Variants in PPP2R2B observed in about 807,000 individuals in gnomAD.
The protein encoded by PPP2R2B is protein phosphatase 2 regulatory subunit Bbeta, also known as serine/threonine-protein phosphatase 2A 55 kDa regulatory subunit B beta isoform.
PPP2R2B carries 5 observed loss-of-function variants against 46.0 expected under a neutral mutation model. The observed-to-expected ratio is 0.11, with a 90% CI of 0.06 to 0.23. The LOEUF is 0.23. PPP2R2B is among the 10% of genes least tolerant of loss of function. PPP2R2B has a pLI of 1.00. For missense variants in PPP2R2B, 367 were observed against 575.0 expected, an observed-to-expected ratio of 0.64 and a Z score of 3.70; for synonymous variants, 215 against 206.7, an observed-to-expected ratio of 1.04 and a Z score of -0.34.
At chr5:146,630,333 T>C (rs1774343309) in intron 7 of PPP2R2B, among the ~76,000 whole-genome samples, 1 of 152,250 alleles carries the variant, frequency 6.6e-6, no homozygotes, top group South Asian at 2.1e-4. Flanking sequence ...TTTTTTATCA[T>C]GTCTGAAATG....
chr5:146,597,820 C>T (rs968939654), intron 8 of PPP2R2B, among the ~76,000 whole-genome samples: 3 of 152,134 alleles, frequency 2.0e-5, no homozygotes, highest in African/African-American at 7.2e-5. Context: ...ATTCACAAAC[C>T]TACTTCATCT....
intron 1 of PPP2R2B, among the ~76,000 whole-genome samples, chr5:146,932,363 C>T (rs2151822840): frequency 1.3e-5 from 2 of 152,306 alleles, no homozygotes; most frequent in Admixed American, 1.3e-4. Context: ...ATAATCCCCA[C>T]ATGTCGTGGG....
chr5:146,652,816 G>A (rs926441210), intron 5 of PPP2R2B, among the ~76,000 whole-genome samples: 3 of 152,056 alleles, frequency 2.0e-5, no homozygotes, highest in African/African-American at 7.2e-5. Context: ...AAAATGAAAG[G>A]ATTTGCAATG....
intron 1 of PPP2R2B, among the ~76,000 whole-genome samples, chr5:147,006,577 G>T (rs1332523685): frequency 6.6e-6 from 1 of 152,066 alleles, no homozygotes; most frequent in Non-Finnish European, 1.5e-5. Flanking sequence ...AGAATAGCAG[G>T]TTTATCTATT....
At chr5:146,980,664 A>G (rs1191249015) in intron 1 of PPP2R2B, among the ~76,000 whole-genome samples, 1 of 151,978 alleles carries the variant, frequency 6.6e-6, no homozygotes, top group Non-Finnish European at 1.5e-5. Context: ...TTGTTTTTTT[A>G]TGTATTCTAA....
At chr5:146,957,187 A>C (rs1446566270) in intron 1 of PPP2R2B, among the ~76,000 whole-genome samples, 1 of 152,200 alleles carries the variant, frequency 6.6e-6, no homozygotes, top group Non-Finnish European at 1.5e-5. Flanking sequence ...GAGCTTCAAA[A>C]TGGAGGGGAC....
chr5:146,594,225 A>G (rs1330886824), intron 8 of PPP2R2B, among the ~76,000 whole-genome samples: 1 of 152,184 alleles, frequency 6.6e-6, no homozygotes, highest in Non-Finnish European at 1.5e-5. Flanking sequence ...TTCCAGTGAA[A>G]GCAGCCAGCA....
intron 2 of PPP2R2B, among the ~76,000 whole-genome samples, chr5:146,740,573 T>TCACACACACACA (rs3995489): frequency 7.2e-6 from 1 of 138,014 alleles, no homozygotes; most frequent in Non-Finnish European, 1.6e-5. Flanking sequence ...TAAAATGAGA[T>TCACACACACACA]CACACACACA....
intron 7 of PPP2R2B, among the ~76,000 whole-genome samples, chr5:146,631,580 C>A (rs571199294): frequency 1.3e-5 from 2 of 152,286 alleles, no homozygotes; most frequent in African/African-American, 2.4e-5. Context: ...TGCTGCTAAA[C>A]CACACCCTAC....
intron 8 of PPP2R2B, among the ~76,000 whole-genome samples, 169 bp downstream of exon 8, chr5:146,600,122 T>C (rs1278907400): frequency 6.6e-6 from 1 of 152,242 alleles, no homozygotes; most frequent in Non-Finnish European, 1.5e-5. Context: ...TCTCCACATG[T>C]ACCGTTATCT....
In PPP2R2B at chr5:146,758,824, A is replaced by T. The variant is rs1047635884; in HGVS notation, c.71-57682T>A. Among the ~76,000 whole-genome samples, 12 of 152,252 alleles carry T rather than the reference A, an allele frequency of 7.9e-5. No individual in the cohort carries two copies. The East Asian group carries it at 2.3e-3, about 29-fold the overall frequency. The stretch of plus-strand genomic sequence containing the variant: ...ACAGAAAAATTTAGTTATCCTACAA[A>T]CTAAAATTTCACAGCTACATTTATG... On this transcript the variant is annotated intron_variant, in intron 2 of 9. Transcript: ENST00000394411.
chr5:146,835,539 CCTT>C (rs1465665816), intron 2 of PPP2R2B, among the ~76,000 whole-genome samples: 26 of 152,168 alleles, frequency 1.7e-4, no homozygotes, highest in Admixed American at 1.7e-3. Context: ...TCACACCCCT[CCTT>C]TTCCTCAGGT....
Position 146,808,994 on chromosome 5 carries a change from T to TGTGCGC in PPP2R2B, c.70+69007_70+69008insGCGCAC, listed in dbSNP as rs1442659063. 1.1e-3 allele frequency among the ~76,000 whole-genome samples: 143 copies of TGTGCGC among 134,492 alleles called. 2 individuals are homozygous for TGTGCGC. In the East Asian group the frequency reaches 0.023, roughly 22 times the overall value. The allele number at this position is 134,492 out of a possible 152,430, so 88.2% of individuals were successfully genotyped here. A position where few individuals can be genotyped will look rare whatever the true frequency, so the allele number is the denominator to read the frequency against. ...GTGTGTGTGTGTGTGTGTGTGTGTG[T>TGTGCGC]GCGCGCGCACCCACTTCTCCAGTGA... On this transcript the variant is annotated intron_variant, in intron 2 of 9. Transcript: ENST00000394411.
At chr5:146,637,994 T>C (rs1056727810) in intron 7 of PPP2R2B, among the ~76,000 whole-genome samples, 5 of 152,320 alleles carry the variant, frequency 3.3e-5, no homozygotes, top group Admixed American at 1.3e-4. Flanking sequence ...AACACATAAT[T>C]TGGATCACAT....
chr5:146,847,221 G>A (rs953783336), intron 2 of PPP2R2B, among the ~76,000 whole-genome samples: 6 of 152,076 alleles, frequency 3.9e-5, no homozygotes, highest in Non-Finnish European at 8.8e-5. Context: ...CTGCCTTCTT[G>A]CTTGACCTGC....
At chr5:146,893,882 GA>G (rs11341457) in intron 1 of PPP2R2B, among the ~76,000 whole-genome samples, 112,894 of 121,322 alleles carry the variant, frequency 0.93, 52,421 homozygotes, top group East Asian at 0.99. Context: ...AAGTAAAATT[GA>G]AAAAAAAAAA....
At chr5:146,826,156 C>A (rs538385428) in intron 2 of PPP2R2B, among the ~76,000 whole-genome samples, 13 of 152,166 alleles carry the variant, frequency 8.5e-5, no homozygotes, top group Non-Finnish European at 1.5e-4. Context: ...TTTAAAAATG[C>A]CCCAGTCATG....
intron 6 of PPP2R2B, among the ~76,000 whole-genome samples, chr5:146,640,028 T>TA (rs1775092678): frequency 6.6e-6 from 1 of 152,202 alleles, no homozygotes; most frequent in African/African-American, 2.4e-5. Context: ...GTCCCCTCCT[T>TA]AGAGTTTAGA....
At chr5:146,851,142 T>C (rs146252607) in intron 2 of PPP2R2B, among the ~76,000 whole-genome samples, 4 of 152,232 alleles carry the variant, frequency 2.6e-5, no homozygotes, top group African/African-American at 9.6e-5. Context: ...GCAGTAAAGG[T>C]TCACAATGGT....
Sources: gnomAD v4.1 joint callset for allele counts (sites outside exome capture counted in the v4.1 genomes callset) on GRCh38, gnomAD v4.1.1 for gene constraint, MANE v1.5 for transcripts, NCBI Gene and HGNC (gene_info 2026-07-23, HGNC 2026-07-21) for gene names.